Variants in TTC28 observed in about 807,000 individuals in gnomAD.
TTC28 encodes the protein tetratricopeptide repeat protein 28.
TTC28 carries 61 observed loss-of-function variants against 198.0 expected under a neutral mutation model. That is an observed-to-expected ratio of 0.31 (90% confidence interval 0.25 to 0.38). The LOEUF (loss-of-function observed/expected upper bound fraction) is 0.38. Among genes scored for constraint, TTC28 ranks in the 10% least tolerant of loss-of-function variants. The pLI, the probability that TTC28 is intolerant of heterozygous loss-of-function variation, is 1.00. For missense variants in TTC28, 2,678 were observed against 3,164.0 expected (o/e 0.85, Z 3.69); for synonymous variants, 1,171 against 1,297.8 (o/e 0.90, Z 2.10).
Position 28,352,685 on chromosome 22 carries a change from T to A in TTC28, c.382-46042A>T, listed in dbSNP as rs557949671. Among the ~76,000 whole-genome samples the A allele has an allele frequency of 3.0e-4, 46 of 152,184 alleles. 2 individuals are homozygous for A. The highest frequency in any genetic ancestry group is 1.1e-3 in the African/African-American group (44 of 41,498). The stretch of plus-strand genomic sequence containing the variant: ...CTTCATGCAAGCTGCTTGGTAGGAA[T>A]GAGCCACCTGAATAAAACCAAGAGT... On this transcript the variant is annotated intron_variant, in intron 2 of 22. Transcript: ENST00000397906.
rs1322585827 is a variant in TTC28 at position 28,108,159 on chromosome 22, C to A, written c.1686G>T (p.Val562=). Residue 562 remains valine, a synonymous_variant, in exon 7 of 23, where the codon GTG becomes GTT. Coordinates refer to ENST00000397906, the MANE Select transcript of TTC28 (RefSeq NM_001145418.2). ...SQASTHGNLA[V]AYQALGAHDR... ...CATGGGCACCCAGGGCCTGGTAGGC[C>A]ACGGCAAGGTTCCCATGTGTGGAGG... The A allele has an allele frequency of 5.2e-6, 8 of 1,551,588 alleles. No individual in the cohort carries two copies. The East Asian group carries it at 1.7e-4, about 33-fold the overall frequency.
chr22:28,368,480 T>C (rs1363867893), intron 2 of TTC28, among the ~76,000 whole-genome samples: 1 of 152,112 alleles, frequency 6.6e-6, no homozygotes, highest in Non-Finnish European at 1.5e-5. Context: ...CTCTAAGATG[T>C]AGAACATGAC....
chr22:28,653,698 C>T (rs1016183730), intron 1 of TTC28, among the ~76,000 whole-genome samples: 1 of 152,072 alleles, frequency 6.6e-6, no homozygotes, highest in Non-Finnish European at 1.5e-5. Flanking sequence ...AGCTGTTTCT[C>T]CCCACTTCCC....
At chr22:28,629,300 C>T in intron 2 of TTC28, 1 of 444,712 alleles carries the variant, frequency 2.2e-6, no homozygotes, top group Non-Finnish European at 3.9e-6. Flanking sequence ...TATCAAGCGG[C>T]ACAGATAAAA....
chr22:28,082,331 G>T (rs756683504), intron 12 of TTC28, among the ~76,000 whole-genome samples: 31 of 152,054 alleles, frequency 2.0e-4, no homozygotes, highest in Non-Finnish European at 3.2e-4. Flanking sequence ...CTTGTTCCTG[G>T]TCTTACATGA....
At chr22:28,447,618 A>G (rs975123469) in intron 2 of TTC28, among the ~76,000 whole-genome samples, 1 of 152,162 alleles carries the variant, frequency 6.6e-6, no homozygotes, top group Non-Finnish European at 1.5e-5. Flanking sequence ...CATACCACAC[A>G]TGGCCTGTAG....
intron 2 of TTC28, among the ~76,000 whole-genome samples, chr22:28,428,968 G>A (rs2047394835): frequency 6.6e-6 from 1 of 152,088 alleles, no homozygotes; most frequent in African/African-American, 2.4e-5. Flanking sequence ...AAAGCTTATA[G>A]TTAATAAATT....
At chr22:28,637,923 C>T (rs931496669) in intron 1 of TTC28, among the ~76,000 whole-genome samples, 8 of 152,128 alleles carry the variant, frequency 5.3e-5, no homozygotes, top group Non-Finnish European at 1.2e-4. Flanking sequence ...TATACTTAGA[C>T]AAAATAGACT....
At chr22:28,635,562 G>A (rs2051256116) in intron 1 of TTC28, among the ~76,000 whole-genome samples, 1 of 152,044 alleles carries the variant, frequency 6.6e-6, no homozygotes, top group African/African-American at 2.4e-5. Flanking sequence ...AGGGTAGAGG[G>A]AGTGTCAGTA....
intron 5 of TTC28, among the ~76,000 whole-genome samples, chr22:28,205,376 T>C (rs1439662004): frequency 3.9e-5 from 6 of 152,104 alleles, no homozygotes; most frequent in Non-Finnish European, 1.5e-5. Context: ...AGCACAGTCA[T>C]TAATACACAT....
At chr22:28,651,720 C>T (rs999057260) in intron 1 of TTC28, among the ~76,000 whole-genome samples, 2 of 149,500 alleles carry the variant, frequency 1.3e-5, no homozygotes, top group Non-Finnish European at 3.0e-5. Flanking sequence ...CCCTCGCCAC[C>T]CTCCTGACCT....
chr22:28,145,409 A>G (rs1180674714), intron 6 of TTC28, among the ~76,000 whole-genome samples: 2 of 152,078 alleles, frequency 1.3e-5, no homozygotes, highest in Non-Finnish European at 2.9e-5. Context: ...CATTAGATAC[A>G]CCACCTACTT....
At chr22:28,142,908 A>G (rs764082434) in intron 6 of TTC28, among the ~76,000 whole-genome samples, 3 of 152,176 alleles carry the variant, frequency 2.0e-5, no homozygotes, top group Non-Finnish European at 4.4e-5. Flanking sequence ...TGTTGACATA[A>G]ATTAAAGTGC....
At position 28,525,660 on chromosome 22, in the gene TTC28, T is replaced by C. The variant is rs557518066; in HGVS notation, c.381+103892A>G. Among the ~76,000 whole-genome samples the C allele has an allele frequency of 1.1e-4, 17 of 152,292 alleles. No homozygotes were observed. In the South Asian group the frequency reaches 3.3e-3, roughly 30 times the overall value. ...TATACTCCATGAGGCTTCCTAAAAA[T>C]AGGACATAAGTACTACAAAATGGAG... On this transcript the variant is annotated intron_variant, in intron 2 of 22. Coordinates refer to ENST00000397906, the MANE Select transcript of TTC28 (RefSeq NM_001145418.2).
At position 28,384,703 on chromosome 22, in the gene TTC28, T is replaced by C. The variant is rs116491956; in HGVS notation, c.382-78060A>G. On this transcript the variant is annotated intron_variant, in intron 2 of 22. Coordinates refer to ENST00000397906, the MANE Select transcript of TTC28 (RefSeq NM_001145418.2). ...AGTTCTTTCAAGTCTATAACTAAAA[T>C]ACTCCATTACATCTCTCCATTTCCA... is the stretch of plus-strand genomic sequence containing the variant. Among the ~76,000 whole-genome samples, 337 of 152,332 alleles carry C rather than the reference T, an allele frequency of 2.2e-3. 2 individuals are homozygous for C. Among genetic ancestry groups the C allele is most frequent in the African/African-American group, 7.9e-3 (328 of 41,580 alleles).
chr22:28,537,342 A>ATAAAATAAAATAAAATAT (rs2049316127), intron 2 of TTC28, among the ~76,000 whole-genome samples: 5 of 146,516 alleles, frequency 3.4e-5, no homozygotes, highest in Admixed American at 6.7e-5. Flanking sequence ...ATAAAATAAA[A>ATAAAATAAAATAAAATAT]ACAAGAATAG....
At chr22:28,149,475 C>T (rs1943554044) in intron 6 of TTC28, among the ~76,000 whole-genome samples, 1 of 152,144 alleles carries the variant, frequency 6.6e-6, no homozygotes, top group Admixed American at 6.5e-5. Context: ...CTAGGGAATG[C>T]TATGCTAAAT....
intron 2 of TTC28, among the ~76,000 whole-genome samples, chr22:28,495,702 C>T (rs1305809732): frequency 6.6e-6 from 1 of 152,116 alleles, no homozygotes; most frequent in Non-Finnish European, 1.5e-5. Flanking sequence ...GGAAATAATT[C>T]ATTCAAATTG....
intron 5 of TTC28, among the ~76,000 whole-genome samples, chr22:28,261,001 C>T (rs1348269160): frequency 6.6e-6 from 1 of 152,154 alleles, no homozygotes; most frequent in Non-Finnish European, 1.5e-5. Flanking sequence ...TCTCATACTT[C>T]CTCTAGGAAA....
Sources: allele counts gnomAD v4.1 joint callset (sites outside exome capture counted in the v4.1 genomes callset), GRCh38; gene constraint gnomAD v4.1.1; transcripts MANE v1.5; gene names NCBI Gene and HGNC (gene_info 2026-07-23, HGNC 2026-07-21).